SHROOM4: variants seen among roughly 807,000 people sequenced by gnomAD.
The protein encoded by SHROOM4 is shroom family member 4.
In SHROOM4, 17 loss-of-function variants were observed where a neutral mutation model predicts 80.3. That is an observed-to-expected ratio of 0.21 (90% CI 0.14 to 0.32). The LOEUF (loss-of-function observed/expected upper bound fraction) is 0.32. Ranked by LOEUF, SHROOM4 falls within the 10% of genes least tolerant of loss-of-function variation. The pLI is 1.00. For synonymous variants in SHROOM4, 400 were observed against 437.5 expected (o/e 0.91, Z 1.07); for missense variants, 993 against 1,140.3 (o/e 0.87, Z 1.86).
chrX:50,695,891 C>G lies in SHROOM4; in HGVS notation c.164G>C (p.Gly55Ala), dbSNP rs1557263017. Residue 55 changes from glycine to alanine, a missense_variant, in exon 2 of 9, where the codon GGT becomes GCT. By Grantham distance (60) the Gly-to-Ala change is moderately conservative (BLOSUM62 0). Transcript: ENST00000376020. ...GCCATTGATATTCACCAGCTCATCA[C>G]CAGTCCTCATCTTCTGGGACAAAGC... ...KAALSQKMRT[G>A]DELVNINGTP... 8.3e-7 allele frequency: 1 copy of G among 1,211,863 alleles called. No individual in the cohort carries two copies. The highest frequency in any genetic ancestry group is 1.1e-6 in the Non-Finnish European group (1 of 895,414).
intron 5 of SHROOM4, among the ~76,000 whole-genome samples, chrX:50,623,977 C>G (rs113606257): frequency 9.1e-6 from 1 of 110,404 alleles, no homozygotes; most frequent in Admixed American, 9.7e-5. Flanking sequence ...TCTATAAAGA[C>G]AAAGTAGATT....
chrX:50,652,324 T>C (rs1932125903), intron 2 of SHROOM4, among the ~76,000 whole-genome samples: 1 of 112,596 alleles, frequency 8.9e-6, no homozygotes, highest in African/African-American at 3.2e-5. Flanking sequence ...TGCATTTCTC[T>C]AATGGCCAAT....
downstream of SHROOM4, among the ~76,000 whole-genome samples, chrX:50,582,881 A>C (rs1557244411): frequency 9.0e-6 from 1 of 110,765 alleles, no homozygotes; most frequent in Non-Finnish European, 1.9e-5. Flanking sequence ...TGCTCTCATA[A>C]TTTGTATTAA....
At chrX:50,735,437 A>G (rs782098376) in intron 1 of SHROOM4, among the ~76,000 whole-genome samples, 1 of 112,143 alleles carries the variant, frequency 8.9e-6, no homozygotes, top group Non-Finnish European at 1.9e-5. Context: ...ATGATACCAA[A>G]AGCATGAGTA....
At chrX:50,731,830 A>AT (rs1295303167) in intron 1 of SHROOM4, among the ~76,000 whole-genome samples, 2 of 112,045 alleles carry the variant, frequency 1.8e-5, no homozygotes, top group African/African-American at 6.5e-5. Flanking sequence ...GCAAGAGAGC[A>AT]TGGATAAGTG....
rs782375297 is a variant in SHROOM4, at chrX:50,592,767, G to A, written c.*3928C>T. 20 of 117,081 alleles carry A rather than the reference G, an allele frequency of 1.7e-4. No individual in the cohort carries two copies. Among genetic ancestry groups the A allele is most frequent in the African/African-American group, 4.9e-4 (15 of 30,769 alleles). The allele number at this position is 117,081 out of a possible 1,213,427, so 9.6% of individuals were successfully genotyped here. On this transcript the variant is annotated 3_prime_UTR_variant, in exon 9 of 9. Transcript: ENST00000376020. ...AAATACTAGACAGAATTCAAGATTG[G>A]AAGAAGTCTAGAAAGAATGGCTTAC...
chrX:50,807,097 T>C (rs1299031997), intron 1 of SHROOM4, among the ~76,000 whole-genome samples: 2 of 112,430 alleles, frequency 1.8e-5, no homozygotes, highest in Non-Finnish European at 3.8e-5. Flanking sequence ...CCTAGACCTC[T>C]ACACTCTCTT....
chrX:50,760,083 T>G (rs1935119281), intron 1 of SHROOM4, among the ~76,000 whole-genome samples: 1 of 111,023 alleles, frequency 9.0e-6, no homozygotes. Context: ...CTATTTAAAT[T>G]ATTGTGTTGT....
intron 1 of SHROOM4, among the ~76,000 whole-genome samples, chrX:50,734,331 AAAG>A (rs1356545476): frequency 1.3e-4 from 15 of 111,918 alleles, no homozygotes; most frequent in Admixed American, 1.0e-3. Context: ...CAATCCAGAA[AAAG>A]AAGAATAAAG....
At chrX:50,738,327 C>A (rs5961204) in intron 1 of SHROOM4, among the ~76,000 whole-genome samples, 3,306 of 110,539 alleles carry the variant, frequency 0.03, 103 homozygotes, top group African/African-American at 0.098. Context: ...AGTTCTGGCC[C>A]GGGCAATCAC....
intron 2 of SHROOM4, among the ~76,000 whole-genome samples, chrX:50,679,421 C>G (rs190763790): frequency 2.7e-5 from 3 of 111,735 alleles, no homozygotes; most frequent in African/African-American, 9.7e-5. Context: ...TTTTCTATAC[C>G]ATCAATTTCT....
intron 1 of SHROOM4, among the ~76,000 whole-genome samples, chrX:50,801,266 G>GAGAGAGAGAGAGAC (rs2147731050): frequency 9.7e-6 from 1 of 102,585 alleles, no homozygotes; most frequent in Admixed American, 1.1e-4. Context: ...AAAGAGGAGA[G>GAGAGAGAGAGAGAC]AGAGAGAGAG....
At chrX:50,628,091 A>G (rs1218343176) in intron 4 of SHROOM4, among the ~76,000 whole-genome samples, 1 of 111,754 alleles carries the variant, frequency 8.9e-6, no homozygotes, top group African/African-American at 3.3e-5. Context: ...GAAAGCATCT[A>G]CTTGGAAGCC....
At chrX:50,777,925 T>C (rs907200542) in intron 1 of SHROOM4, among the ~76,000 whole-genome samples, 21 of 112,340 alleles carry the variant, frequency 1.9e-4, no homozygotes, top group Admixed American at 4.7e-4. Context: ...TAGTCACTTC[T>C]GAGCTATATT....
intron 1 of SHROOM4, among the ~76,000 whole-genome samples, chrX:50,712,186 T>C (rs782100966): frequency 1.2e-4 from 13 of 112,092 alleles, no homozygotes; most frequent in African/African-American, 3.9e-4. Context: ...TCAGCTTGAT[T>C]GCTGAGCACT....
At chrX:50,691,907 T>C (rs1391711568) in intron 2 of SHROOM4, among the ~76,000 whole-genome samples, 1 of 111,502 alleles carries the variant, frequency 9.0e-6, no homozygotes, top group African/African-American at 3.3e-5. Flanking sequence ...GTAGTCCACA[T>C]GTGAAGGTTA....
In SHROOM4 at chrX:50,694,456, T is replaced by A. The variant is rs150715510; in HGVS notation, c.269+1330A>T. On this transcript the variant is annotated intron_variant, in intron 2 of 8. Transcript: ENST00000376020. Reference sequence around the variant, plus strand: ...TTAATTTCCCTGAAGATTAGTGATGTTGAGCATTTTTTCATATGCCTGTTG... The same window carrying A: ...TTAATTTCCCTGAAGATTAGTGATGATGAGCATTTTTTCATATGCCTGTTG... Among the ~76,000 whole-genome samples the A allele has an allele frequency of 1.0e-2, 1,077 of 108,142 alleles. 7 individuals are homozygous for A. Among genetic ancestry groups the A allele is most frequent in the South Asian group, 0.02 (48 of 2,400 alleles). 93.9% of individuals were successfully genotyped at this position (108,142 alleles called of 115,157 possible). A position where few individuals can be genotyped will look rare whatever the true frequency, so the allele number is the denominator to read the frequency against.
intron 7 of SHROOM4, among the ~76,000 whole-genome samples, chrX:50,601,193 G>C (rs931384066): frequency 8.9e-6 from 1 of 111,978 alleles, no homozygotes; most frequent in African/African-American, 3.3e-5. Context: ...GACAAAAACT[G>C]TCATAGCCCA....
Position 50,799,270 on chromosome X carries a change from T to C in SHROOM4, c.117+14632A>G, listed in dbSNP as rs782804347. ...GTTTGTACTCCTTTCATACTTATTG[T>C]GATTGTGCTAAGGCCCTTTCGAGGC... is the stretch of plus-strand genomic sequence containing the variant. On this transcript the variant is annotated intron_variant, in intron 1 of 8. Coordinates refer to ENST00000376020, the MANE Select transcript of SHROOM4 (RefSeq NM_020717.5). Among the ~76,000 whole-genome samples the C allele has an allele frequency of 8.0e-5, 9 of 112,980 alleles. No homozygotes were observed. The East Asian group carries it at 2.5e-3, about 32-fold the overall frequency.
Sources: allele counts gnomAD v4.1 joint callset (sites outside exome capture counted in the v4.1 genomes callset), GRCh38; gene constraint gnomAD v4.1.1; transcripts MANE v1.5; gene names NCBI Gene and HGNC (gene_info 2026-07-23, HGNC 2026-07-21).